NRG3: variants seen among roughly 807,000 people sequenced by gnomAD.
The protein encoded by NRG3 is pro-neuregulin-3, membrane-bound isoform.
Under a neutral mutation model 66.9 loss-of-function variants are expected in NRG3, and 31 were observed. That is an observed-to-expected ratio of 0.46 (90% CI 0.35 to 0.63). The LOEUF is 0.63. Ranked by LOEUF, NRG3 falls within the 20% of genes least tolerant of loss-of-function variation. The pLI is 0.00. For synonymous variants in NRG3, 393 were observed against 359.4 expected (o/e 1.09, Z -1.06); for missense variants, 910 against 878.9 (o/e 1.04, Z -0.45).
At chr10:82,916,777 A>G (rs1295793099) in intron 4 of NRG3, among the ~76,000 whole-genome samples, 2 of 152,044 alleles carry the variant, frequency 1.3e-5, no homozygotes, top group Admixed American at 6.6e-5. Context: ...CACCACGCCC[A>G]GCTAATTTTT....
intron 1 of NRG3, among the ~76,000 whole-genome samples, chr10:82,115,746 A>G (rs2067669762): frequency 6.6e-6 from 1 of 152,114 alleles, no homozygotes; most frequent in African/African-American, 2.4e-5. Flanking sequence ...CCTGTTATAG[A>G]AAAGTTCTTT....
intron 1 of NRG3, among the ~76,000 whole-genome samples, chr10:82,181,145 T>G (rs569199312): frequency 3.9e-4 from 60 of 151,908 alleles, no homozygotes; most frequent in African/African-American, 1.4e-3. Flanking sequence ...AACTATTTTC[T>G]CTCTTTTCTT....
chr10:81,935,165 G>A (rs566899611), intron 1 of NRG3, among the ~76,000 whole-genome samples: 1 of 152,296 alleles, frequency 6.6e-6, no homozygotes, highest in African/African-American at 2.4e-5. Context: ...CAATTTTCCA[G>A]ATAAATATGG....
chr10:82,984,899 G>T (rs1853298155), intron 8 of NRG3, 199 bp from the exon 9 acceptor site: 1 of 1,347,738 alleles, frequency 7.4e-7, no homozygotes, highest in Non-Finnish European at 1.1e-6. Flanking sequence ...CTTATTTTCT[G>T]TGTGACCTTG....
chr10:82,565,754 A>G (rs1242635780), intron 2 of NRG3, among the ~76,000 whole-genome samples: 1 of 151,870 alleles, frequency 6.6e-6, no homozygotes, highest in East Asian at 1.9e-4. Flanking sequence ...AATTTTGACT[A>G]TTTCACCACC....
At chr10:82,785,007 A>G (rs1325599772) in intron 3 of NRG3, among the ~76,000 whole-genome samples, 1 of 152,194 alleles carries the variant, frequency 6.6e-6, no homozygotes, top group Non-Finnish European at 1.5e-5. Flanking sequence ...CATATACACC[A>G]TGGAATACTA....
chr10:82,341,805 C>T (rs1317511808), intron 1 of NRG3, among the ~76,000 whole-genome samples: 4 of 152,034 alleles, frequency 2.6e-5, no homozygotes, highest in Middle Eastern at 3.4e-3. Context: ...ACTAAATGTC[C>T]ATGTGTACCC....
chr10:81,947,997 G>C (rs1014458945), intron 1 of NRG3, among the ~76,000 whole-genome samples: 19 of 152,126 alleles, frequency 1.2e-4, no homozygotes, highest in Non-Finnish European at 2.5e-4. Context: ...GCAGAGTAGA[G>C]AGTGCTCAAC....
chr10:82,637,515 G>T (rs10736213), intron 2 of NRG3, among the ~76,000 whole-genome samples: 63,585 of 151,942 alleles, frequency 0.42, 14,257 homozygotes, highest in Non-Finnish European at 0.51. Context: ...CATTAATGAT[G>T]AGTCAAGTCC....
intron 1 of NRG3, among the ~76,000 whole-genome samples, chr10:82,118,244 A>G (rs912503656): frequency 4.6e-5 from 7 of 151,288 alleles, no homozygotes; most frequent in South Asian, 2.1e-4. Context: ...TAAAAAATCT[A>G]TATGTGCTCT....
In NRG3 at chr10:82,230,772, A is replaced by T. The variant is rs139195220; in HGVS notation, c.824-127967A>T. Among the ~76,000 whole-genome samples the T allele has an allele frequency of 5.7e-3, 872 of 152,314 alleles. 5 individuals carry two copies. The highest frequency in any genetic ancestry group is 0.02 in the African/African-American group (829 of 41,564). ...TAATAACATTGAAATAATTTATCTG[A>T]TACAATTTAGGATGAAAAGTGGAAG... On this transcript the variant is annotated intron_variant, in intron 1 of 8. Coordinates refer to ENST00000372141, the MANE Select transcript of NRG3 (RefSeq NM_001010848.4).
intron 2 of NRG3, among the ~76,000 whole-genome samples, chr10:82,737,440 C>T (rs567695708): frequency 2.6e-5 from 4 of 152,188 alleles, no homozygotes; most frequent in African/African-American, 9.7e-5. Flanking sequence ...AAAGAACTCA[C>T]GACGCATGGT....
chr10:82,983,498 C>T (rs1363706664), intron 8 of NRG3, among the ~76,000 whole-genome samples: 1 of 152,108 alleles, frequency 6.6e-6, no homozygotes, highest in Non-Finnish European at 1.5e-5. Flanking sequence ...TTAGGATAGT[C>T]GTTCATTAGC....
chr10:82,796,902 A>G (rs558894084), intron 3 of NRG3, among the ~76,000 whole-genome samples: 69 of 152,318 alleles, frequency 4.5e-4, no homozygotes, highest in African/African-American at 1.5e-3. Flanking sequence ...GATGCAGACA[A>G]GGAAATTATG....
chr10:82,596,982 A>G (rs1207823213), intron 2 of NRG3, among the ~76,000 whole-genome samples: 1 of 152,006 alleles, frequency 6.6e-6, no homozygotes, highest in Non-Finnish European at 1.5e-5. Context: ...GGTTTTTCTA[A>G]CACCTGCACT....
chr10:82,893,240 A>G (rs1843328490), intron 4 of NRG3, among the ~76,000 whole-genome samples: 1 of 152,202 alleles, frequency 6.6e-6, no homozygotes, highest in African/African-American at 2.4e-5. Context: ...AAGAGTTGAT[A>G]TTTTGCACAA....
intron 4 of NRG3, among the ~76,000 whole-genome samples, chr10:82,936,737 A>T (rs1592018777): frequency 6.6e-6 from 1 of 152,318 alleles, no homozygotes; most frequent in East Asian, 1.9e-4. Flanking sequence ...TCATATGTCA[A>T]TTTAAAAATA....
At position 82,639,035 on chromosome 10, in the gene NRG3, C is replaced by T. The variant is rs148927478; in HGVS notation, c.954-99542C>T. 8.6e-4 allele frequency among the ~76,000 whole-genome samples: 131 copies of T among 152,268 alleles called. No homozygotes were observed. The Middle Eastern group carries it at 0.014, about 16-fold the overall frequency. Reference sequence around the variant, plus strand: ...TTGAAAACATCCCCTTCAACTCTGTCGTTGCCATGTGAAAAGATCAAATTG... The same window carrying T: ...TTGAAAACATCCCCTTCAACTCTGTTGTTGCCATGTGAAAAGATCAAATTG... On this transcript the variant is annotated intron_variant, in intron 2 of 8. Coordinates refer to ENST00000372141, the MANE Select transcript of NRG3 (RefSeq NM_001010848.4).
chr10:82,454,073 A>G (rs915212008), intron 2 of NRG3, among the ~76,000 whole-genome samples: 4 of 152,214 alleles, frequency 2.6e-5, no homozygotes, highest in African/African-American at 9.6e-5. Flanking sequence ...ATTGCTCAGT[A>G]AATCACAGCA....
Sources: allele counts gnomAD v4.1 joint callset (sites outside exome capture counted in the v4.1 genomes callset), GRCh38; gene constraint gnomAD v4.1.1; transcripts MANE v1.5; gene names NCBI Gene and HGNC (gene_info 2026-07-23, HGNC 2026-07-21).